Variants in P2RX5 observed in about 807,000 individuals in gnomAD.
P2RX5 encodes the protein purinergic receptor P2X 5.
In P2RX5, 46 loss-of-function variants were observed where a neutral mutation model predicts 54.1. That is an observed-to-expected ratio of 0.85 (90% CI 0.67 to 1.09). The LOEUF is 1.09. Ranked by LOEUF, P2RX5 falls within the 50% of genes least tolerant of loss-of-function variation. The probability of loss-of-function intolerance (pLI) is 0.00; values close to 1 mark genes in which losing one functional copy is unlikely to be tolerated. For synonymous variants in P2RX5, 226 were observed against 226.4 expected (o/e 1.00, Z 0.02); for missense variants, 566 against 549.8 (o/e 1.03, Z -0.29).
chr17:3,689,725 T>C, intron 6 of P2RX5, 95 bp from the exon 7 acceptor site: 1 of 1,514,922 alleles, frequency 6.6e-7, no homozygotes, highest in Non-Finnish European at 9.1e-7. Context: ...ACCTGAGTGC[T>C]GACAGCTCCC....
chr17:3,711,716 A>T, the P2RX5 span, among the ~76,000 whole-genome samples: 1 of 150,260 alleles, frequency 6.7e-6, no homozygotes, highest in Non-Finnish European at 1.5e-5. Flanking sequence ...TTTTTTTGAG[A>T]CAGGGTCTCG....
intron 6 of P2RX5, 94 bp downstream of exon 6, chr17:3,689,976 A>G (rs942682881): frequency 1.3e-4 from 139 of 1,109,114 alleles, no homozygotes; most frequent in South Asian, 2.6e-4. Context: ...ACACGCGCGC[A>G]CACACACCCC....
chr17:3,716,861 T>C, the P2RX5 span: 1 of 951,082 alleles, frequency 1.1e-6, no homozygotes, highest in South Asian at 1.3e-5. Context: ...AAATCCTACA[T>C]GTTATTTTAA....
Position 3,696,061 on chromosome 17 carries a change from C to G in P2RX5, c.-56G>C. On this transcript the variant is annotated 5_prime_UTR_variant, in exon 1 of 12. Transcript: ENST00000225328. The stretch of plus-strand genomic sequence containing the variant: ...CCGGCCCACGTGCGCTCATGGGGAG[C>G]ACTCGGTCCCTCGGTCCCTGCGCGC... The G allele has an allele frequency of 1.9e-6, 3 of 1,597,534 alleles. No homozygotes were observed. Among genetic ancestry groups the G allele is most frequent in the South Asian group, 2.2e-5 (2 of 90,242 alleles).
At position 3,696,131 on chromosome 17, in the gene P2RX5, G is replaced by T; in HGVS notation, c.-126C>A. 1 of 1,035,534 alleles carries T rather than the reference G, an allele frequency of 9.7e-7. No homozygotes were observed. The highest frequency in any genetic ancestry group is 1.3e-6 in the Non-Finnish European group (1 of 780,128). The allele number at this position is 1,035,534 out of a possible 1,614,324, so 64.1% of individuals were successfully genotyped here. A position where few individuals can be genotyped will look rare whatever the true frequency, so the allele number is the denominator to read the frequency against. On this transcript the variant is annotated 5_prime_UTR_variant, in exon 1 of 12. Coordinates refer to ENST00000225328, the MANE Select transcript of P2RX5 (RefSeq NM_002561.4). ...GTCTGCGCCCGCTCAGCTGCAGCCC[G>T]GGGTGTCCGGCAGGGCTGCGGGGCG...
chr17:3,709,548 A>G, the P2RX5 span, among the ~76,000 whole-genome samples: 1 of 152,164 alleles, frequency 6.6e-6, no homozygotes, highest in South Asian at 2.1e-4. Flanking sequence ...ACTGCAGATC[A>G]CTTGAGCTCA....
At chr17:3,680,652 G>A (rs2050241877) in intron 10 of P2RX5, among the ~76,000 whole-genome samples, 1 of 82,122 alleles carries the variant, frequency 1.2e-5, no homozygotes, top group Non-Finnish European at 2.3e-5. Flanking sequence ...TCCATCCTGG[G>A]TCCTCCACCC....
intron 10 of P2RX5, among the ~76,000 whole-genome samples, chr17:3,680,701 C>T (rs551931651): frequency 2.7e-5 from 3 of 111,482 alleles, no homozygotes; most frequent in African/African-American, 1.1e-4. Flanking sequence ...CTGGGTCCTC[C>T]ACCCTGCATC....
At chr17:3,676,422 G>A (rs55666547) in intron 11 of P2RX5, 2 of 980,444 alleles carry the variant, frequency 2.0e-6, no homozygotes, top group Non-Finnish European at 2.4e-6. Flanking sequence ...CCGGGAGGAC[G>A]GAGGTTGCTT....
rs373427818 is a variant in P2RX5, at chr17:3,690,042, G to A, written c.614+28C>T. 8.1e-4 allele frequency: 1,306 copies of A among 1,604,572 alleles called. 16 individuals carry two copies. The South Asian group carries it at 0.012, about 15-fold the overall frequency. ...GCCCCTCATCGACCAAGGCCCACCCGTGGCCCCCAGTAGCCAAGCCCACGT... is the reference window on the plus strand; with the variant it reads ...GCCCCTCATCGACCAAGGCCCACCCATGGCCCCCAGTAGCCAAGCCCACGT... On this transcript the variant is annotated intron_variant, in intron 6 of 11. Transcript: ENST00000225328.
intron 11 of P2RX5, among the ~76,000 whole-genome samples, chr17:3,678,357 G>A (rs1035098318): frequency 3.3e-5 from 5 of 152,250 alleles, no homozygotes; most frequent in Admixed American, 6.5e-5. Context: ...CAGCAATTGC[G>A]GTGGCAGCTG....
At chr17:3,699,917 G>T (rs28418752), upstream of P2RX5, among the ~76,000 whole-genome samples, 2 of 75,512 alleles carry the variant, frequency 2.6e-5, no homozygotes, top group East Asian at 7.0e-4. Flanking sequence ...AAGGAAGGAA[G>T]GAAAGAAAGA....
the P2RX5 span, chr17:3,714,631 A>G: frequency 2.3e-6 from 1 of 436,098 alleles, no homozygotes; most frequent in Non-Finnish European, 4.0e-6. Flanking sequence ...GCACTACTGC[A>G]AAGAAAAGTG....
chr17:3,712,665 C>T, the P2RX5 span, among the ~76,000 whole-genome samples: 4 of 152,144 alleles, frequency 2.6e-5, no homozygotes, highest in Admixed American at 1.3e-4. Context: ...ACAGTTTGGC[C>T]GGGCCCGGAT....
chr17:3,682,547 G>T (rs985532259), intron 9 of P2RX5: 14 of 181,388 alleles, frequency 7.7e-5, no homozygotes, highest in Admixed American at 3.2e-4. Flanking sequence ...CGCTTCTGGA[G>T]AAGGGGATGG....
intron 11 of P2RX5, among the ~76,000 whole-genome samples, chr17:3,679,033 C>G (rs565861220): frequency 8.5e-5 from 13 of 152,284 alleles, no homozygotes; most frequent in Non-Finnish European, 1.5e-4. Flanking sequence ...CGGGGCAGCC[C>G]CAGAATCGCA....
chr17:3,688,881 C>T (rs2050523313), intron 7 of P2RX5, 122 bp from the exon 8 acceptor site: 28 of 1,050,936 alleles, frequency 2.7e-5, no homozygotes, highest in Non-Finnish European at 4.1e-5. Flanking sequence ...GTCAGCCCCT[C>T]GAGACCACCC....
intron 6 of P2RX5, 88 bp downstream of exon 6, chr17:3,689,981 CA>C: frequency 1.7e-6 from 2 of 1,156,672 alleles, no homozygotes; most frequent in Non-Finnish European, 2.6e-6. Context: ...CGCGCACACA[CA>C]CCCCCAGGCA....
In P2RX5 at chr17:3,683,556, C is replaced by T. The variant is rs564992681; in HGVS notation, c.982-1578G>A. On this transcript the variant is annotated intron_variant, in intron 9 of 11. Transcript: ENST00000225328. ...GACCAGCCTGGCCAACATGGTGAAA[C>T]CCTGTCTCTACAAAAATACGAAAAT... 8.1e-4 allele frequency among the ~76,000 whole-genome samples: 124 copies of T among 152,290 alleles called. 2 individuals carry two copies. The highest frequency in any genetic ancestry group is 2.9e-3 in the African/African-American group (119 of 41,570).
Sources: allele counts gnomAD v4.1 joint callset (sites outside exome capture counted in the v4.1 genomes callset), GRCh38; gene constraint gnomAD v4.1.1; transcripts MANE v1.5; gene names NCBI Gene and HGNC (gene_info 2026-07-23, HGNC 2026-07-21).